Variants in JMY observed in about 807,000 individuals in gnomAD.
JMY encodes junction-mediating and -regulatory protein.
Under a neutral mutation model 103.3 loss-of-function variants are expected in JMY, and 46 were observed. The observed-to-expected ratio is 0.45, with a 90% confidence interval of 0.35 to 0.57. JMY has a LOEUF of 0.57. JMY is among the 20% of genes least tolerant of loss of function. JMY has a pLI of 0.00. For missense variants in JMY, 1,238 were observed against 1,255.2 expected, an observed-to-expected ratio of 0.99 and a Z score of 0.21; for synonymous variants, 526 against 489.3, an observed-to-expected ratio of 1.07 and a Z score of -0.99.
intron 1 of JMY, among the ~76,000 whole-genome samples, chr5:79,250,654 T>G (rs987232820): frequency 2.2e-5 from 3 of 138,664 alleles, no homozygotes; most frequent in African/African-American, 3.1e-5. Flanking sequence ...ATTTTTCTTT[T>G]TTTTTTTTTT....
intron 1 of JMY, among the ~76,000 whole-genome samples, chr5:79,237,989 G>T (rs1299986805): frequency 6.6e-6 from 1 of 152,120 alleles, no homozygotes; most frequent in Non-Finnish European, 1.5e-5. Context: ...CTGTAAGCAT[G>T]GGCTACCTGA....
At chr5:79,249,902 C>T (rs950504781) in intron 1 of JMY, among the ~76,000 whole-genome samples, 6 of 152,122 alleles carry the variant, frequency 3.9e-5, no homozygotes, top group Admixed American at 6.6e-5. Context: ...CTTCTACTTT[C>T]CACTAGCTTA....
chr5:79,249,693 CATTTT>C (rs1554048260), intron 1 of JMY, among the ~76,000 whole-genome samples: 1 of 152,134 alleles, frequency 6.6e-6, no homozygotes, highest in Non-Finnish European at 1.5e-5. Context: ...TTTCTCTTTT[CATTTT>C]GTCTAACTGC....
chr5:79,313,136 A>G (rs1487134089), intron 8 of JMY, among the ~76,000 whole-genome samples: 1 of 152,178 alleles, frequency 6.6e-6, no homozygotes, highest in African/African-American at 2.4e-5. Flanking sequence ...GGCAGGGGAA[A>G]AGCCTTGTTA....
intron 1 of JMY, among the ~76,000 whole-genome samples, chr5:79,269,267 ATTTAT>A (rs1745673311): frequency 6.6e-6 from 1 of 151,918 alleles, no homozygotes; most frequent in South Asian, 2.1e-4. Context: ...ATTTGTGTGG[ATTTAT>A]TTTTGGACTC....
intron 2 of JMY, among the ~76,000 whole-genome samples, chr5:79,283,401 C>T (rs532336754): frequency 6.6e-6 from 1 of 152,204 alleles, no homozygotes; most frequent in African/African-American, 2.4e-5. Flanking sequence ...TTTCATTAAC[C>T]TAGGTATTAA....
chr5:79,256,425 C>T (rs76050291), intron 1 of JMY, among the ~76,000 whole-genome samples: 9,444 of 152,084 alleles, frequency 0.062, 411 homozygotes, highest in Non-Finnish European at 0.1. Flanking sequence ...GTGTTCTACC[C>T]CACCGTGGCT....
chr5:79,242,250 A>G (rs1178117598), intron 1 of JMY, among the ~76,000 whole-genome samples: 2 of 152,188 alleles, frequency 1.3e-5, no homozygotes, highest in African/African-American at 2.4e-5. Context: ...CCTAGGTTGA[A>G]AATAGGACTA....
chr5:79,246,252 C>T (rs1036318177), intron 1 of JMY, among the ~76,000 whole-genome samples: 3 of 152,128 alleles, frequency 2.0e-5, no homozygotes, highest in African/African-American at 7.2e-5. Context: ...CTAGGCCTAT[C>T]TTTCTCCTTG....
At chr5:79,318,662 G>A (rs1489106412) in intron 10 of JMY, among the ~76,000 whole-genome samples, 1 of 151,324 alleles carries the variant, frequency 6.6e-6, no homozygotes, top group Non-Finnish European at 1.5e-5. Context: ...CAGTCACTTT[G>A]TATGACTTAT....
chr5:79,305,503 C>T (rs994480195), intron 6 of JMY, among the ~76,000 whole-genome samples: 4 of 151,966 alleles, frequency 2.6e-5, no homozygotes, highest in Non-Finnish European at 5.9e-5. Context: ...GAGACTAACC[C>T]TTTTATCTGG....
chr5:79,271,554 G>A (rs1745783376), intron 1 of JMY, among the ~76,000 whole-genome samples: 1 of 152,238 alleles, frequency 6.6e-6, no homozygotes, highest in African/African-American at 2.4e-5. Context: ...TCAATCACTT[G>A]CATGGATATA....
intron 1 of JMY, among the ~76,000 whole-genome samples, chr5:79,260,201 G>A (rs1054818449): frequency 1.3e-5 from 2 of 152,238 alleles, no homozygotes; most frequent in African/African-American, 4.8e-5. Context: ...AGACCCTTGG[G>A]ATGCGGTAGG....
rs187185497 is a variant in JMY at position 79,270,290 on chromosome 5, A to G, written c.1033-7620A>G. Among the ~76,000 whole-genome samples the G allele has an allele frequency of 4.7e-3, 677 of 145,372 alleles. 8 individuals are homozygous for G. The highest frequency in any genetic ancestry group is 0.017 in the African/African-American group (660 of 39,224). On this transcript the variant is annotated intron_variant, in intron 1 of 10. Transcript: ENST00000396137. ...AAAAATTTATATGTTTATATAAAAT[A>G]TATATTTACATAAATATTTAAAATA...
intron 1 of JMY, among the ~76,000 whole-genome samples, chr5:79,241,226 C>T (rs1303379599): frequency 6.6e-6 from 1 of 152,098 alleles, no homozygotes; most frequent in Admixed American, 6.5e-5. Context: ...TTTCAAGGTC[C>T]TTGGCTTTGA....
chr5:79,300,798 G>A lies in JMY; in HGVS notation c.1816G>A (p.Ala606Thr). The change falls in exon 6 of 11, where the codon GCA becomes ACA. Residue 606 changes from alanine (A) to threonine (T), a missense_variant. Transcript: ENST00000396137. ...REELQKLQQKARQLEARRGRV... is the reference protein window; with the variant it reads ...REELQKLQQKTRQLEARRGRV... ...AGAGCTGCAGAAACTTCAGCAGAAA[G>A]CACGCCAGCTGGAAGCAAGACGTGG... 6.2e-7 allele frequency: 1 copy of A among 1,611,200 alleles called. No individual in the cohort carries two copies. The highest frequency in any genetic ancestry group is 8.5e-7 in the Non-Finnish European group (1 of 1,179,034).
intron 1 of JMY, among the ~76,000 whole-genome samples, chr5:79,268,950 T>C (rs1380181493): frequency 6.6e-6 from 1 of 152,182 alleles, no homozygotes; most frequent in Non-Finnish European, 1.5e-5. Context: ...TTTTTCTCCA[T>C]CTGTAGCCTG....
intron 1 of JMY, 37 bp downstream of exon 1, chr5:79,237,719 C>A: frequency 1.9e-6 from 3 of 1,562,112 alleles, no homozygotes; most frequent in South Asian, 2.3e-5. Context: ...CTCTACTGGT[C>A]GCTTTTGGTT....
chr5:79,301,439 G>A (rs1746730940), intron 6 of JMY, among the ~76,000 whole-genome samples: 1 of 152,178 alleles, frequency 6.6e-6, no homozygotes, highest in Non-Finnish European at 1.5e-5. Flanking sequence ...TTCGCTTTAA[G>A]CTCAAGTATT....
Sources: gnomAD v4.1 joint callset for allele counts (sites outside exome capture counted in the v4.1 genomes callset) on GRCh38, gnomAD v4.1.1 for gene constraint, MANE v1.5 for transcripts, NCBI Gene and HGNC (gene_info 2026-07-23, HGNC 2026-07-21) for gene names.